Variants in SCN10A observed in about 807,000 individuals in gnomAD.
SCN10A encodes sodium channel protein type 10 subunit alpha.
Under a neutral mutation model 170.7 loss-of-function variants are expected in SCN10A, and 162 were observed. The ratio of observed to expected loss-of-function variants is 0.95; its 90% CI spans 0.84 to 1.08. The LOEUF is 1.08. Ranked by LOEUF, SCN10A falls within the 50% of genes least tolerant of loss-of-function variation. SCN10A has a pLI of 0.00. For missense variants in SCN10A, 2,527 were observed against 2,436.9 expected (o/e 1.04, Z -0.78); for synonymous variants, 985 against 904.6 (o/e 1.09, Z -1.59).
chr3:38,809,537 T>C (rs916685460), intron 1 of SCN10A, among the ~76,000 whole-genome samples: 1 of 152,222 alleles, frequency 6.6e-6, no homozygotes, highest in Non-Finnish European at 1.5e-5. Flanking sequence ...TGTGTATTTA[T>C]CACAATTAGG....
chr3:38,764,166 A>G (rs1035447396), intron 5 of SCN10A, among the ~76,000 whole-genome samples: 1 of 152,174 alleles, frequency 6.6e-6, no homozygotes, highest in Admixed American at 6.5e-5. Flanking sequence ...TTTTTATTTT[A>G]TTTTATTTCA....
chr3:38,785,099 C>T (rs2064182256), intron 4 of SCN10A, among the ~76,000 whole-genome samples: 2 of 152,174 alleles, frequency 1.3e-5, no homozygotes, highest in African/African-American at 4.8e-5. Flanking sequence ...ATCAAGCTAC[C>T]ACTGACTTTC....
Position 38,697,281 on chromosome 3 carries a change from T to A in SCN10A, c.*68A>T. On this transcript the variant is annotated 3_prime_UTR_variant, in exon 28 of 28. Coordinates refer to ENST00000449082, the MANE Select transcript of SCN10A (RefSeq NM_006514.4). Reference sequence around the variant, plus strand: ...GGCTGTAGCTGGGTGTGATCTGCAATGGGAAAGAGTTAACACAGAGCAGAA... The same window carrying A: ...GGCTGTAGCTGGGTGTGATCTGCAAAGGGAAAGAGTTAACACAGAGCAGAA... 1 of 1,566,908 alleles carries A rather than the reference T, an allele frequency of 6.4e-7. No homozygotes were observed. Among genetic ancestry groups the A allele is most frequent in the Non-Finnish European group, 8.7e-7 (1 of 1,155,258 alleles).
chr3:38,725,049 A>T (rs2063437706), intron 18 of SCN10A, 125 bp downstream of exon 18: 2 of 832,790 alleles, frequency 2.4e-6, no homozygotes, highest in African/African-American at 3.5e-5. Flanking sequence ...AGGATAAGAA[A>T]TGAGGTTATG....
chr3:38,750,068 C>T lies in SCN10A; in HGVS notation c.1867+5G>A, dbSNP rs749713677. On this transcript the variant is annotated splice_donor_5th_base_variant and intron_variant, in intron 13 of 27. Transcript: ENST00000449082. ...TGGATGAACAATGCAGTGAGCAGCA[C>T]TTACCCTCAAGGACGGAGGTTATGA... is the stretch of plus-strand genomic sequence containing the variant. 40 of 1,548,670 alleles carry T rather than the reference C, an allele frequency of 2.6e-5. No homozygotes were observed. The highest frequency in any genetic ancestry group is 3.5e-5 in the Non-Finnish European group (39 of 1,121,146).
chr3:38,720,725 G>A (rs1006277104), intron 20 of SCN10A, among the ~76,000 whole-genome samples: 1 of 152,048 alleles, frequency 6.6e-6, no homozygotes, highest in South Asian at 2.1e-4. Context: ...AAGAGAAGGG[G>A]GCTAGAGAGA....
chr3:38,722,924 T>C (rs1456941399), intron 19 of SCN10A, among the ~76,000 whole-genome samples: 2 of 152,246 alleles, frequency 1.3e-5, no homozygotes, highest in South Asian at 2.1e-4. Flanking sequence ...CTTTATAGAA[T>C]GGACTCTTGA....
intron 1 of SCN10A, among the ~76,000 whole-genome samples, chr3:38,805,661 A>G (rs7627881): frequency 0.46 from 70,065 of 151,972 alleles, 18,008 homozygotes; most frequent in African/African-American, 0.7. Context: ...ATAAGCCACT[A>G]AGAAAGTGTG....
chr3:38,767,564 A>T (rs2063946778), intron 5 of SCN10A, among the ~76,000 whole-genome samples: 1 of 151,990 alleles, frequency 6.6e-6, no homozygotes, highest in Non-Finnish European at 1.5e-5. Context: ...TTTCTTTTGG[A>T]GTTAACTCCG....
Position 38,742,502 on chromosome 3 carries a change from G to C in SCN10A, c.1895C>G (p.Pro632Arg). Reference protein sequence around the residue: ...EELEESEQKCPPCLTSLSQKY... With the variant: ...EELEESEQKCRPCLTSLSQKY... ...CTGAGACAAGCTGGTCAAGCAGGGT[G>C]GGCACTTCTGTTCAGACTCCTCGAG... The change falls in exon 14 of 28, where the codon CCA (proline) becomes CGA (arginine). Residue 632 changes from proline (P) to arginine (R), a missense_variant. Pro to Arg is a moderately radical substitution (Grantham distance 103). Transcript: ENST00000449082. The C allele has an allele frequency of 6.2e-7, 1 of 1,614,114 alleles. No homozygotes were observed. The highest frequency in any genetic ancestry group is 8.5e-7 in the Non-Finnish European group (1 of 1,180,008).
chr3:38,752,675 G>A (rs2063762461), intron 11 of SCN10A, among the ~76,000 whole-genome samples, 163 bp from the exon 12 acceptor site: 1 of 152,150 alleles, frequency 6.6e-6, no homozygotes, highest in African/African-American at 2.4e-5. Flanking sequence ...AGGTATGCAT[G>A]GTGGGGAAAA....
At chr3:38,731,979 C>T (rs1161301595) in intron 15 of SCN10A, among the ~76,000 whole-genome samples, 2 of 152,224 alleles carry the variant, frequency 1.3e-5, no homozygotes, top group South Asian at 2.1e-4. Context: ...CTGGTGTCCT[C>T]GTCTTGGCTT....
intron 22 of SCN10A, among the ~76,000 whole-genome samples, chr3:38,713,503 A>G (rs1214849294): frequency 6.6e-6 from 1 of 152,074 alleles, no homozygotes; most frequent in Non-Finnish European, 1.5e-5. Flanking sequence ...TTTATGGGTG[A>G]CAAGGGAAGA....
intron 3 of SCN10A, among the ~76,000 whole-genome samples, chr3:38,790,732 T>C (rs1232948726): frequency 2.0e-5 from 3 of 152,110 alleles, no homozygotes; most frequent in Non-Finnish European, 4.4e-5. Context: ...TACATGGTCT[T>C]GGATAATTTA....
chr3:38,787,023 T>A (rs2064213266), intron 4 of SCN10A, among the ~76,000 whole-genome samples: 1 of 152,164 alleles, frequency 6.6e-6, no homozygotes, highest in Non-Finnish European at 1.5e-5. Flanking sequence ...TGTAAACTTT[T>A]GAGGAAGAAA....
chr3:38,738,299 T>C (rs2063592647), intron 15 of SCN10A, among the ~76,000 whole-genome samples: 1 of 152,172 alleles, frequency 6.6e-6, no homozygotes, highest in Admixed American at 6.5e-5. Flanking sequence ...TGGGTCTGCC[T>C]AGGTGAAATG....
chr3:38,791,878 T>C (rs1317959644), intron 3 of SCN10A, among the ~76,000 whole-genome samples, 172 bp downstream of exon 3: 1 of 152,188 alleles, frequency 6.6e-6, no homozygotes, highest in Non-Finnish European at 1.5e-5. Context: ...GGGACTGCTT[T>C]GGGGTGTGGG....
intron 4 of SCN10A, among the ~76,000 whole-genome samples, chr3:38,786,531 G>A (rs1470655530): frequency 2.0e-5 from 3 of 152,154 alleles, no homozygotes; most frequent in Admixed American, 6.5e-5. Flanking sequence ...TAATGTAGAT[G>A]ATGGGTTGAT....
chr3:38,729,309 G>A (rs1174541863), intron 15 of SCN10A, among the ~76,000 whole-genome samples: 3 of 152,114 alleles, frequency 2.0e-5, no homozygotes, highest in African/African-American at 4.8e-5. Context: ...AGCCTCCTTC[G>A]GGTAGGGGAT....
Sources: gnomAD v4.1 joint callset for allele counts (sites outside exome capture counted in the v4.1 genomes callset) on GRCh38, gnomAD v4.1.1 for gene constraint, MANE v1.5 for transcripts, NCBI Gene and HGNC (gene_info 2026-07-23, HGNC 2026-07-21) for gene names.